The following BMPR2 variants were observed in gnomAD, a reference collection of about 807,000 sequenced individuals.
BMPR2 encodes the protein bone morphogenetic protein receptor type 2, also known as bone morphogenetic protein receptor type-2.
A neutral mutation model predicts 100.8 loss-of-function variants in BMPR2; 29 were observed. That is an observed-to-expected ratio of 0.29 (90% CI 0.21 to 0.39). The LOEUF is 0.39. Ranked by LOEUF, BMPR2 falls within the 10% of genes least tolerant of loss-of-function variation. BMPR2 has a pLI of 1.00. For missense variants in BMPR2, 1,011 were observed against 1,274.5 expected, an observed-to-expected ratio of 0.79 and a Z score of 3.15; for synonymous variants, 382 against 442.3, an observed-to-expected ratio of 0.86 and a Z score of 1.71.
At chr2:202,471,283 C>T (rs550349963) in intron 3 of BMPR2, among the ~76,000 whole-genome samples, 2 of 152,244 alleles carry the variant, frequency 1.3e-5, no homozygotes, top group South Asian at 4.1e-4. Context: ...GAGTTGGCAG[C>T]TTATCATTCT....
chr2:202,549,457 A>C (rs1688435117), intron 10 of BMPR2, among the ~76,000 whole-genome samples: 1 of 152,196 alleles, frequency 6.6e-6, no homozygotes. Flanking sequence ...GTAAATATCT[A>C]AGAGTAGAGT....
At chr2:202,500,222 C>T (rs950051109) in intron 3 of BMPR2, among the ~76,000 whole-genome samples, 1 of 152,214 alleles carries the variant, frequency 6.6e-6, no homozygotes, top group Admixed American at 6.5e-5. Flanking sequence ...ACTCTCCTGT[C>T]CTGGACGACT....
At chr2:202,383,884 A>G (rs374446629) in intron 1 of BMPR2, among the ~76,000 whole-genome samples, 1 of 151,532 alleles carries the variant, frequency 6.6e-6, no homozygotes, top group East Asian at 1.9e-4. Context: ...CAAAAGCACT[A>G]ATATTGGCTG....
intron 1 of BMPR2, among the ~76,000 whole-genome samples, chr2:202,438,933 A>G (rs1691673164): frequency 6.6e-6 from 1 of 150,454 alleles, no homozygotes; most frequent in Admixed American, 6.6e-5. Context: ...CTGTTTCAAG[A>G]TTGTTTTGGC....
intron 1 of BMPR2, among the ~76,000 whole-genome samples, chr2:202,434,899 A>AC (rs1691577501): frequency 1.4e-5 from 1 of 72,996 alleles, no homozygotes; most frequent in African/African-American, 5.8e-5. Flanking sequence ...AAAAAAAAAA[A>AC]AAAAAAAAAA....
Position 202,390,551 on chromosome 2 carries a change from C to T in BMPR2, c.76+13001C>T, listed in dbSNP as rs188963554. Among the ~76,000 whole-genome samples, 590 of 152,110 alleles carry T rather than the reference C, an allele frequency of 3.9e-3. 6 individuals are homozygous for T. The highest frequency in any genetic ancestry group is 0.014 in the African/African-American group (562 of 41,496). Reference sequence around the variant, plus strand: ...TTCACCATGTTGGCTGGGCTGGTCTCGAACCCCTGACCTCAGGTGATACAC... The same window carrying T: ...TTCACCATGTTGGCTGGGCTGGTCTTGAACCCCTGACCTCAGGTGATACAC... On this transcript the variant is annotated intron_variant, in intron 1 of 12. Transcript: ENST00000374580.
At chr2:202,456,093 AAAAAAAAAAGTT>A (rs1692095136) in intron 1 of BMPR2, among the ~76,000 whole-genome samples, 1 of 141,576 alleles carries the variant, frequency 7.1e-6, no homozygotes, top group African/African-American at 2.6e-5. Flanking sequence ...AAAAAAAAAA[AAAAAAAAAAGTT>A]AAGTAGTATT....
chr2:202,451,290 C>T (rs6736047), intron 1 of BMPR2, among the ~76,000 whole-genome samples: 6,404 of 152,224 alleles, frequency 0.042, 468 homozygotes, highest in African/African-American at 0.15. Flanking sequence ...TTTAATAACA[C>T]GAATGAAAAA....
intron 1 of BMPR2, among the ~76,000 whole-genome samples, chr2:202,455,463 CAG>C (rs1205943044): frequency 6.6e-6 from 1 of 152,182 alleles, no homozygotes; most frequent in African/African-American, 2.4e-5. Context: ...TCCATTTTCA[CAG>C]AAAATTATAT....
At position 202,556,498 on chromosome 2, in the gene BMPR2, G is replaced by T; in HGVS notation, c.2833G>T (p.Ala945Ser). Residue 945 changes from alanine to serine, a missense_variant, in exon 12 of 13, where the codon GCC becomes TCC. By Grantham distance (99) the Ala-to-Ser change is moderately conservative (BLOSUM62 1). Coordinates refer to ENST00000374580, the MANE Select transcript of BMPR2 (RefSeq NM_001204.7). Reference protein sequence around the residue: ...AQRPNSLDLSATNVLDGSSIQ... With the variant: ...AQRPNSLDLSSTNVLDGSSIQ... Reference sequence around the variant, plus strand: ...GAGGCCTAATTCTCTGGATCTTTCAGCCACAAATGTCCTGGATGGCAGCAG... The same window carrying T: ...GAGGCCTAATTCTCTGGATCTTTCATCCACAAATGTCCTGGATGGCAGCAG... The T allele has an allele frequency of 6.2e-7, 1 of 1,613,806 alleles. No homozygotes were observed. The highest frequency in any genetic ancestry group is 8.5e-7 in the Non-Finnish European group (1 of 1,180,046).
rs1258876623 is a variant in BMPR2 at position 202,457,557 on chromosome 2, T to TAG, written c.77-7251_77-7250insGA. On this transcript the variant is annotated intron_variant, in intron 1 of 12. Transcript: ENST00000374580. ...TAGCAATATTTTATATATATATATA[T>TAG]ATATAGAGAGAGAGAGAGAGAGAGA... is the stretch of plus-strand genomic sequence containing the variant. 2.3e-3 allele frequency among the ~76,000 whole-genome samples: 234 copies of TAG among 100,782 alleles called. 4 individuals carry two copies. The highest frequency in any genetic ancestry group is 0.018 in the Admixed American group (171 of 9,598). The allele number at this position is 100,782 out of a possible 152,430, so 66.1% of individuals were successfully genotyped here.
At chr2:202,385,526 C>T (rs1211067473) in intron 1 of BMPR2, among the ~76,000 whole-genome samples, 5 of 151,024 alleles carry the variant, frequency 3.3e-5, no homozygotes, top group Non-Finnish European at 3.0e-5. Flanking sequence ...CCACCATGTC[C>T]GGCTAGTTTT....
rs538154804 is a variant in BMPR2, at chr2:202,448,622, A to G, written c.77-16187A>G. On this transcript the variant is annotated intron_variant, in intron 1 of 12. Transcript: ENST00000374580. Reference sequence around the variant, plus strand: ...CAGGCACGTGCCACCATGCCTGGCTAATTTTTTGTATTTTTATTAGAGACG... The same window carrying G: ...CAGGCACGTGCCACCATGCCTGGCTGATTTTTTGTATTTTTATTAGAGACG... 2.9e-3 allele frequency among the ~76,000 whole-genome samples: 442 copies of G among 150,504 alleles called. 2 individuals are homozygous for G. Among genetic ancestry groups the G allele is most frequent in the African/African-American group, 0.01 (428 of 41,062 alleles).
chr2:202,536,303 A>G (rs1309617726), intron 9 of BMPR2, among the ~76,000 whole-genome samples: 1 of 151,858 alleles, frequency 6.6e-6, no homozygotes, highest in Non-Finnish European at 1.5e-5. Context: ...TTGTAGAGAC[A>G]AGGTTTCACC....
chr2:202,515,570 A>T (rs1284507402), intron 5 of BMPR2, among the ~76,000 whole-genome samples: 4 of 149,740 alleles, frequency 2.7e-5, no homozygotes, highest in African/African-American at 9.8e-5. Flanking sequence ...AAACTCTGCC[A>T]CAAAAAAAAA....
chr2:202,550,459 C>T (rs1035174837), intron 10 of BMPR2, among the ~76,000 whole-genome samples: 3 of 151,940 alleles, frequency 2.0e-5, no homozygotes, highest in African/African-American at 7.3e-5. Context: ...CTCAAACAGT[C>T]CTCCCACTGC....
At chr2:202,428,916 C>T (rs1308237744) in intron 1 of BMPR2, among the ~76,000 whole-genome samples, 1 of 152,088 alleles carries the variant, frequency 6.6e-6, no homozygotes, top group Non-Finnish European at 1.5e-5. Context: ...GGAAAGGGGT[C>T]TTGATCCAGA....
chr2:202,470,967 G>A (rs1692426251), intron 3 of BMPR2, among the ~76,000 whole-genome samples: 1 of 152,136 alleles, frequency 6.6e-6, no homozygotes, highest in African/African-American at 2.4e-5. Flanking sequence ...GCTGAGGTGG[G>A]AGGATCACTT....
At chr2:202,477,178 A>G (rs1574468908) in intron 3 of BMPR2, among the ~76,000 whole-genome samples, 1 of 152,214 alleles carries the variant, frequency 6.6e-6, no homozygotes, top group Admixed American at 6.5e-5. Flanking sequence ...GGGTGTTTAG[A>G]TTAAACAAGA....
Sources: gnomAD v4.1 joint callset for allele counts (sites outside exome capture counted in the v4.1 genomes callset) on GRCh38, gnomAD v4.1.1 for gene constraint, MANE v1.5 for transcripts, NCBI Gene and HGNC (gene_info 2026-07-23, HGNC 2026-07-21) for gene names.